ARMH1: variants seen among roughly 807,000 people sequenced by gnomAD.
ARMH1 encodes the protein armadillo-like helical domain containing protein 1.
Under a neutral mutation model 50.2 loss-of-function variants are expected in ARMH1, and 34 were observed. The observed-to-expected ratio is 0.68, with a 90% CI of 0.51 to 0.90. The LOEUF (loss-of-function observed/expected upper bound fraction) is 0.90, where lower values mean the gene tolerates loss of function less well. Among genes scored for constraint, ARMH1 ranks in the 40% least tolerant of loss-of-function variants. The pLI is 0.00. For synonymous variants in ARMH1, 221 were observed against 224.2 expected (o/e 0.99, Z 0.13); for missense variants, 538 against 553.9 (o/e 0.97, Z 0.29).
chr1:44,696,617 A>G (rs549113073), intron 2 of ARMH1, among the ~76,000 whole-genome samples: 1 of 152,360 alleles, frequency 6.6e-6, no homozygotes, highest in East Asian at 1.9e-4. Flanking sequence ...CTTATTAGGA[A>G]GCCAATTCTT....
intron 6 of ARMH1, among the ~76,000 whole-genome samples, chr1:44,714,332 T>C (rs1161701121): frequency 6.8e-6 from 1 of 147,596 alleles, no homozygotes; most frequent in Non-Finnish European, 1.5e-5. Context: ...ATGCCTGTAA[T>C]CTCAGCACTT....
chr1:44,706,151 G>T (rs554164431), intron 6 of ARMH1, among the ~76,000 whole-genome samples: 236 of 152,358 alleles, frequency 1.5e-3, no homozygotes, highest in Non-Finnish European at 2.6e-3. Flanking sequence ...CAGTGCCTCC[G>T]AAGATGGCCT....
rs1645327821 is a variant in ARMH1, at chr1:44,681,967, G to A, written c.-23+7094G>A. 1.3e-5 allele frequency among the ~76,000 whole-genome samples: 2 copies of A among 152,212 alleles called. No homozygotes were observed. Among genetic ancestry groups the A allele is most frequent in the South Asian group, 2.1e-4 (1 of 4,824 alleles). On this transcript the variant is annotated intron_variant, in intron 1 of 11. Coordinates refer to ENST00000535358, the MANE Select transcript of ARMH1 (RefSeq NM_001145636.2). This position sits in a 1 kb window ranked among gnomAD's most constrained non-coding sequence, Gnocchi z 4.3. ...AACCTGGGATATATCCCATCAGAGC[G>A]CTCTCCACTGTTCATTAAAATCACC...
intron 4 of ARMH1, among the ~76,000 whole-genome samples, chr1:44,699,579 A>C (rs1645965118): frequency 6.6e-6 from 1 of 151,656 alleles, no homozygotes; most frequent in Non-Finnish European, 1.5e-5. Context: ...CCTCCCAAGT[A>C]GCTGGAATTA....
chr1:44,708,706 C>T (rs956633657), intron 6 of ARMH1, among the ~76,000 whole-genome samples: 12 of 152,188 alleles, frequency 7.9e-5, no homozygotes, highest in Non-Finnish European at 1.8e-4. Flanking sequence ...GAGGAAGCTG[C>T]TGGTGGTGTC....
intron 5 of ARMH1, among the ~76,000 whole-genome samples, chr1:44,703,142 G>A (rs1429112923): frequency 3.3e-5 from 5 of 152,108 alleles, no homozygotes; most frequent in African/African-American, 1.2e-4. Context: ...GAAAAAGGGG[G>A]CTGTCTGATG....
Position 44,725,145 on chromosome 1 carries a change from G to A in ARMH1, c.1138G>A (p.Glu380Lys). ...TTGCTCCTGTCCTCAGAGCAACGCT[G>A]AGGACTTGTACATGAAAATAGACAG... ...ELYQLFLSNA[E>K]DLYMKIDSIQ... The change falls in exon 11 of 12, where the codon GAG (glutamate) becomes AAG (lysine). Residue 380 changes from glutamate (E) to lysine (K), a missense_variant. Coordinates refer to ENST00000535358, the MANE Select transcript of ARMH1 (RefSeq NM_001145636.2). The A allele has an allele frequency of 6.4e-7, 1 of 1,551,946 alleles. No individual in the cohort carries two copies. Among genetic ancestry groups the A allele is most frequent in the Non-Finnish European group, 8.7e-7 (1 of 1,147,030 alleles).
intron 6 of ARMH1, among the ~76,000 whole-genome samples, chr1:44,718,574 C>T (rs532436420): frequency 6.6e-6 from 1 of 152,218 alleles, no homozygotes; most frequent in African/African-American, 2.4e-5. Context: ...GGGGCTGGTC[C>T]CTTTCCCTCC....
chr1:44,707,465 T>C (rs1045935782), intron 6 of ARMH1, among the ~76,000 whole-genome samples: 1 of 152,182 alleles, frequency 6.6e-6, no homozygotes, highest in Non-Finnish European at 1.5e-5. Flanking sequence ...GGTTTCACCC[T>C]GTTGCCCAGG....
chr1:44,718,434 T>A (rs777094681), intron 6 of ARMH1, among the ~76,000 whole-genome samples: 1 of 152,110 alleles, frequency 6.6e-6, no homozygotes, highest in Non-Finnish European at 1.5e-5. Context: ...GAGAAATACT[T>A]TGGGGTTTCA....
intron 1 of ARMH1, among the ~76,000 whole-genome samples, chr1:44,688,681 A>G (rs1645554551): frequency 6.6e-6 from 1 of 152,210 alleles, no homozygotes; most frequent in African/African-American, 2.4e-5. Flanking sequence ...CTGTTAGACA[A>G]AAGAATCACA....
chr1:44,678,054 G>A (rs1645192939), intron 1 of ARMH1, among the ~76,000 whole-genome samples: 1 of 152,134 alleles, frequency 6.6e-6, no homozygotes, highest in Non-Finnish European at 1.5e-5. Context: ...GAGAGGCTGA[G>A]GATGGAGGAG....
At chr1:44,693,086 A>G (rs534819900) in intron 2 of ARMH1, 1 of 152,304 alleles carries the variant, frequency 6.6e-6, no homozygotes, top group South Asian at 2.1e-4. Context: ...TAAAATGCAG[A>G]TTACCAGTTA....
Position 44,698,237 on chromosome 1 carries a change from C to G in ARMH1, c.442+8C>G. ...TCATTTGTGAAAGCTATGGTGGGTACTGTGTGTGACAAGATGTGTCTCCCT... is the reference window on the plus strand; with the variant it reads ...TCATTTGTGAAAGCTATGGTGGGTAGTGTGTGTGACAAGATGTGTCTCCCT... On this transcript the variant is annotated splice_region_variant and intron_variant, in intron 4 of 11. Coordinates refer to ENST00000535358, the MANE Select transcript of ARMH1 (RefSeq NM_001145636.2). The G allele has an allele frequency of 6.5e-7, 1 of 1,548,480 alleles. No individual in the cohort carries two copies. The highest frequency in any genetic ancestry group is 8.7e-7 in the Non-Finnish European group (1 of 1,144,430).
intron 6 of ARMH1, among the ~76,000 whole-genome samples, chr1:44,714,356 C>A (rs1646755006): frequency 6.6e-6 from 1 of 151,584 alleles, no homozygotes; most frequent in Non-Finnish European, 1.5e-5. Flanking sequence ...GAGGCCGAGG[C>A]CGGCAGATCA....
chr1:44,712,089 T>C (rs542243461), intron 6 of ARMH1, among the ~76,000 whole-genome samples: 1 of 152,172 alleles, frequency 6.6e-6, no homozygotes, highest in Non-Finnish European at 1.5e-5. Flanking sequence ...CTTTGAGAAG[T>C]AGATAAAAAC....
chr1:44,713,097 CTTTTTT>C (rs538780455), intron 6 of ARMH1, among the ~76,000 whole-genome samples: 1 of 118,858 alleles, frequency 8.4e-6, no homozygotes, highest in African/African-American at 3.2e-5. Context: ...TGCGCCCGGC[CTTTTTT>C]TTTTTTTTTT....
chr1:44,704,025 C>A, intron 5 of ARMH1, 64 bp from the exon 6 acceptor site: 1 of 1,394,384 alleles, frequency 7.2e-7, no homozygotes, highest in Non-Finnish European at 9.9e-7. Context: ...CGCACCCGGC[C>A]GGGAATCCAT....
Position 44,704,116 on chromosome 1 carries a change from A to C in ARMH1, c.667A>C (p.Ile223Leu), listed in dbSNP as rs1462347409. The change falls in exon 6 of 12, where the codon ATC (isoleucine) becomes CTC (leucine). Residue 223 changes from isoleucine (I) to leucine (L), a missense_variant. Ile to Leu is a conservative substitution (Grantham distance 5, BLOSUM62 2). Transcript: ENST00000535358. ...AATCATTGGGACCACACACCCCAGCATCGTGGACTGCGTGCTGAAGGTGCT... is the reference window on the plus strand; with the variant it reads ...AATCATTGGGACCACACACCCCAGCCTCGTGGACTGCGTGCTGAAGGTGCT... ...QPIIGTTHPS[I>L]VDCVLKVLGT... The C allele has an allele frequency of 6.4e-7, 1 of 1,550,988 alleles. No individual in the cohort carries two copies. The highest frequency in any genetic ancestry group is 1.4e-5 in the African/African-American group (1 of 72,934).
Sources: allele counts gnomAD v4.1 joint callset (sites outside exome capture counted in the v4.1 genomes callset), GRCh38; gene constraint gnomAD v4.1.1; non-coding constraint Gnocchi (gnomAD v3.1); transcripts MANE v1.5; gene names NCBI Gene and HGNC (gene_info 2026-07-23, HGNC 2026-07-21).